Variants in CNTNAP4 observed in about 807,000 individuals in gnomAD.
The protein encoded by CNTNAP4 is contactin associated protein family member 4, also known as contactin-associated protein-like 4.
A neutral mutation model predicts 148.4 loss-of-function variants in CNTNAP4; 98 were observed. The ratio of observed to expected loss-of-function variants is 0.66; its 90% CI spans 0.56 to 0.78. The LOEUF is 0.78. Among genes scored for constraint, CNTNAP4 ranks in the 30% least tolerant of loss-of-function variants. The pLI is 0.00. For missense variants in CNTNAP4, 1,935 were observed against 1,565.6 expected (o/e 1.24, Z -3.98); for synonymous variants, 730 against 565.1 (o/e 1.29, Z -4.14).
intron 1 of CNTNAP4, among the ~76,000 whole-genome samples, chr16:76,298,593 A>G (rs1959584578): frequency 2.0e-5 from 3 of 151,558 alleles, no homozygotes; most frequent in Admixed American, 6.6e-5. Context: ...CAAGCGGAAG[A>G]ATTCATTAGA....
chr16:76,391,830 C>T (rs982550151), intron 3 of CNTNAP4, among the ~76,000 whole-genome samples: 6 of 152,162 alleles, frequency 3.9e-5, no homozygotes, highest in African/African-American at 1.2e-4. Flanking sequence ...CTGCTTCAGA[C>T]GTCTTGAGTC....
At chr16:76,308,387 T>C (rs1960725847) in intron 1 of CNTNAP4, among the ~76,000 whole-genome samples, 1 of 152,214 alleles carries the variant, frequency 6.6e-6, no homozygotes, top group African/African-American at 2.4e-5. Flanking sequence ...AGAAAAATTA[T>C]ATTTTATTCA....
In CNTNAP4 at chr16:76,489,826, CA is replaced by C; in HGVS notation, c.2024del (p.His675ProfsTer24). ...TCAGGCCACTATTAACCGTGCAGAG[CA>C]CTGTGAACAGGAGTTTACTTATTAC... ...QLQATINRAE[H>X]CEQEFTYYCK... On this transcript the variant is annotated frameshift_variant, in exon 13 of 24. Coordinates refer to ENST00000611870, the MANE Select transcript of CNTNAP4 (RefSeq NM_033401.5). LOFTEE classifies it high-confidence loss of function. The C allele has an allele frequency of 6.2e-7, 1 of 1,604,040 alleles. No homozygotes were observed. The highest frequency in any genetic ancestry group is 8.5e-7 in the Non-Finnish European group (1 of 1,174,364).
At chr16:76,416,663 A>G (rs1011105870) in intron 3 of CNTNAP4, among the ~76,000 whole-genome samples, 28 of 151,470 alleles carry the variant, frequency 1.8e-4, no homozygotes, top group Non-Finnish European at 3.6e-4. Flanking sequence ...CCGATAATAC[A>G]TGGTGAATGT....
In CNTNAP4 at chr16:76,292,529, T is replaced by G. The variant is rs547097891; in HGVS notation, c.85+14782T>G. 2.0e-5 allele frequency among the ~76,000 whole-genome samples: 3 copies of G among 150,904 alleles called. No homozygotes were observed. The South Asian group carries it at 6.3e-4, about 32-fold the overall frequency. On this transcript the variant is annotated intron_variant, in intron 1 of 23. Transcript: ENST00000611870. ...TCTCTGGAGCTCAGTGCCTGTGGCC[T>G]CTGATAGGCTGCTGCAAATGCAGGT...
At chr16:76,408,664 T>C (rs2078690321) in intron 3 of CNTNAP4, among the ~76,000 whole-genome samples, 3 of 152,058 alleles carry the variant, frequency 2.0e-5, no homozygotes, top group African/African-American at 7.2e-5. Flanking sequence ...TCTAAAGAAG[T>C]GAACAATAAT....
rs1227324648 is a variant in CNTNAP4 at position 76,418,405 on chromosome 16, A to AT, written c.391-9042dup. On this transcript the variant is annotated intron_variant, in intron 3 of 23. Coordinates refer to ENST00000611870, the MANE Select transcript of CNTNAP4 (RefSeq NM_033401.5). ...ATCTTCTTTTCTTTTATATATATAT[A>AT]TTTTTATTATACTTTAAGTTCTAGG... Among the ~76,000 whole-genome samples, 6 of 53,918 alleles carry AT rather than the reference A, an allele frequency of 1.1e-4. No individual in the cohort carries two copies. In the South Asian group the frequency reaches 1.9e-3, roughly 17 times the overall value. The allele number at this position is 53,918 out of a possible 152,430, so 35.4% of individuals were successfully genotyped here.
chr16:76,427,016 A>G (rs74581653), intron 3 of CNTNAP4, among the ~76,000 whole-genome samples: 1 of 152,308 alleles, frequency 6.6e-6, no homozygotes, highest in East Asian at 1.9e-4. Flanking sequence ...GAACCAAAAG[A>G]CATCATAGCT....
At chr16:76,318,389 C>T (rs1048326757) in intron 2 of CNTNAP4, among the ~76,000 whole-genome samples, 3 of 152,082 alleles carry the variant, frequency 2.0e-5, no homozygotes, top group Non-Finnish European at 4.4e-5. Context: ...CATCAGGAGT[C>T]TCCATCAGTG....
chr16:76,506,851 G>T lies in CNTNAP4; in HGVS notation c.2365+8157G>T. On this transcript the variant is annotated intron_variant, in intron 15 of 23. Coordinates refer to ENST00000611870, the MANE Select transcript of CNTNAP4 (RefSeq NM_033401.5). ...CCATGTAGTGCTGCCCCCAGCCAGT[G>T]AGGTTCACAGGCTGGTACTGGTCTG... Among the ~76,000 whole-genome samples, 2 of 96,102 alleles carry T rather than the reference G, an allele frequency of 2.1e-5. 1 individual carries two copies. The allele number at this position is 96,102 out of a possible 152,430, so 63.0% of individuals were successfully genotyped here.
chr16:76,355,034 T>C (rs1299559265), intron 2 of CNTNAP4, among the ~76,000 whole-genome samples: 1 of 152,330 alleles, frequency 6.6e-6, no homozygotes, highest in East Asian at 1.9e-4. Flanking sequence ...TTGGCAGGAA[T>C]GTTCACCTAT....
intron 1 of CNTNAP4, among the ~76,000 whole-genome samples, chr16:76,312,296 A>G (rs1408313469): frequency 1.3e-5 from 2 of 152,136 alleles, no homozygotes; most frequent in Non-Finnish European, 2.9e-5. Context: ...TATTGCTGAT[A>G]TTTCTTGGAA....
At chr16:76,436,335 C>T (rs912899810) in intron 4 of CNTNAP4, among the ~76,000 whole-genome samples, 2 of 152,078 alleles carry the variant, frequency 1.3e-5, no homozygotes, top group Non-Finnish European at 2.9e-5. Context: ...AGGGTCCTCC[C>T]GCACATCCCC....
At chr16:76,492,341 C>G (rs946141381) in intron 13 of CNTNAP4, among the ~76,000 whole-genome samples, 10 of 151,286 alleles carry the variant, frequency 6.6e-5, no homozygotes, top group Non-Finnish European at 1.3e-4. Flanking sequence ...CAGTGTATAT[C>G]AAAACATTGC....
intron 1 of CNTNAP4, among the ~76,000 whole-genome samples, chr16:76,281,611 C>G (rs1246666263): frequency 6.6e-6 from 1 of 151,820 alleles, no homozygotes; most frequent in Non-Finnish European, 1.5e-5. Flanking sequence ...TGTATTGGAG[C>G]TAATGAGTAT....
At chr16:76,552,240 C>T (rs142737024) in intron 21 of CNTNAP4, among the ~76,000 whole-genome samples, 71 of 152,268 alleles carry the variant, frequency 4.7e-4, no homozygotes, top group African/African-American at 1.5e-3. Context: ...ACTGCCTCCA[C>T]GATCCAATCA....
rs140897492 is a variant in CNTNAP4, at chr16:76,408,535, T to A, written c.391-18917T>A. On this transcript the variant is annotated intron_variant, in intron 3 of 23. Coordinates refer to ENST00000611870, the MANE Select transcript of CNTNAP4 (RefSeq NM_033401.5). The stretch of plus-strand genomic sequence containing the variant: ...GCCTTTTCTCCCCCGTGCAACTCTT[T>A]CATACGTTGCCCATGATCTGTATTA... Among the ~76,000 whole-genome samples the A allele has an allele frequency of 1.2e-3, 178 of 152,104 alleles. 2 individuals carry two copies. The East Asian group carries it at 0.027, about 23-fold the overall frequency.
Position 76,411,476 on chromosome 16 carries a change from A to G in CNTNAP4, c.391-15976A>G, listed in dbSNP as rs140447245. On this transcript the variant is annotated intron_variant, in intron 3 of 23. Transcript: ENST00000611870. Reference sequence around the variant, plus strand: ...ACTGAACAATAGTGATTTTGATGGTAATGGTCATAAGAATGCCATTATTCT... The same window carrying G: ...ACTGAACAATAGTGATTTTGATGGTGATGGTCATAAGAATGCCATTATTCT... Among the ~76,000 whole-genome samples the G allele has an allele frequency of 2.6e-3, 395 of 151,428 alleles. 2 individuals carry two copies. Among genetic ancestry groups the G allele is most frequent in the African/African-American group, 8.8e-3 (367 of 41,486 alleles).
chr16:76,355,198 C>A (rs1484099716), intron 2 of CNTNAP4, 120 bp from the exon 3 acceptor site: 1 of 561,704 alleles, frequency 1.8e-6, no homozygotes, highest in Non-Finnish European at 2.9e-6. Flanking sequence ...TAAGAAGTTT[C>A]ATATTTTGGA....
Sources: gnomAD v4.1 joint callset for allele counts (sites outside exome capture counted in the v4.1 genomes callset) on GRCh38, gnomAD v4.1.1 for gene constraint, MANE v1.5 for transcripts, NCBI Gene and HGNC (gene_info 2026-07-23, HGNC 2026-07-21) for gene names.